BICD1: variants seen among roughly 807,000 people sequenced by gnomAD.
BICD1 encodes BICD cargo adaptor 1, also known as protein bicaudal D homolog 1.
A neutral mutation model predicts 92.5 loss-of-function variants in BICD1; 35 were observed. The ratio of observed to expected loss-of-function variants is 0.38; its 90% confidence interval spans 0.29 to 0.50. The LOEUF is 0.50. Ranked by LOEUF, BICD1 falls within the 20% of genes least tolerant of loss-of-function variation. The probability of loss-of-function intolerance (pLI) is 0.93; values close to 1 mark genes in which losing one functional copy is unlikely to be tolerated. For synonymous variants in BICD1, 429 were observed against 465.1 expected (o/e 0.92, Z 1.00); for missense variants, 950 against 1,189.8 (o/e 0.80, Z 2.97).
At chr12:32,148,992 C>G (rs1240757058) in intron 1 of BICD1, among the ~76,000 whole-genome samples, 2 of 147,890 alleles carry the variant, frequency 1.4e-5, no homozygotes, top group African/African-American at 5.0e-5. Flanking sequence ...TGTACTCCAC[C>G]CTGGGTGACG....
chr12:32,343,776 C>A (rs1221726550), intron 8 of BICD1, among the ~76,000 whole-genome samples: 1 of 152,176 alleles, frequency 6.6e-6, no homozygotes, highest in Non-Finnish European at 1.5e-5. Flanking sequence ...TTTTACTGAT[C>A]TTTAAAGCAA....
At chr12:32,164,003 C>T (rs1943677844) in intron 1 of BICD1, among the ~76,000 whole-genome samples, 1 of 152,170 alleles carries the variant, frequency 6.6e-6, no homozygotes, top group Admixed American at 6.5e-5. Context: ...AAGACAGAGT[C>T]TCACTTTGTC....
chr12:32,187,540 C>T (rs540218516), intron 1 of BICD1, among the ~76,000 whole-genome samples: 59 of 152,170 alleles, frequency 3.9e-4, no homozygotes, highest in African/African-American at 1.3e-3. Context: ...GGCGTGGTGG[C>T]GCGCTCCTAT....
intron 1 of BICD1, among the ~76,000 whole-genome samples, chr12:32,110,601 A>G (rs1283193868): frequency 1.3e-5 from 2 of 152,140 alleles, no homozygotes; most frequent in African/African-American, 4.8e-5. Flanking sequence ...GGCTGATTAT[A>G]TGTTTGGGAT....
At chr12:32,205,403 ACT>A (rs1203293012) in intron 1 of BICD1, among the ~76,000 whole-genome samples, 1 of 151,838 alleles carries the variant, frequency 6.6e-6, no homozygotes, top group African/African-American at 2.4e-5. Context: ...TGCTTGAGAG[ACT>A]CTTGCACATG....
intron 8 of BICD1, 101 bp downstream of exon 8, chr12:32,339,080 C>T (rs1471863163): frequency 2.4e-5 from 34 of 1,392,478 alleles, no homozygotes; most frequent in African/African-American, 3.0e-5. Context: ...CAGAGTATAC[C>T]TTTGATGATG....
chr12:32,109,655 G>A (rs183026124), intron 1 of BICD1: 10 of 151,712 alleles, frequency 6.6e-5, no homozygotes, highest in Admixed American at 3.9e-4. Context: ...AGTGAAATTC[G>A]AGATTCCTAA....
chr12:32,271,875 C>A (rs1181396370), intron 2 of BICD1, among the ~76,000 whole-genome samples: 1 of 152,128 alleles, frequency 6.6e-6, no homozygotes, highest in East Asian at 1.9e-4. Context: ...CTGCCTGAAG[C>A]CAAGAGACAA....
At position 32,314,775 on chromosome 12, in the gene BICD1, A is replaced by T. The variant is rs570217366; in HGVS notation, c.1005+8653A>T. ...TGTACAAAGGAGTTTTTTTTTTTTT[A>T]AAAGAGATGGGTCTCACTATGTTGC... is the stretch of plus-strand genomic sequence containing the variant. On this transcript the variant is annotated intron_variant, in intron 4 of 9. Transcript: ENST00000652176. Among the ~76,000 whole-genome samples the T allele has an allele frequency of 7.3e-4, 106 of 145,040 alleles. 2 individuals are homozygous for T. The highest frequency in any genetic ancestry group is 6.4e-4 in the South Asian group (3 of 4,678).
intron 1 of BICD1, among the ~76,000 whole-genome samples, chr12:32,215,903 G>A (rs1017227520): frequency 8.5e-5 from 11 of 129,550 alleles, no homozygotes; most frequent in African/African-American, 3.1e-4. Flanking sequence ...GCAGTGATCC[G>A]AGATTGCACC....
At chr12:32,200,966 C>G (rs1944890119) in intron 1 of BICD1, among the ~76,000 whole-genome samples, 2 of 152,164 alleles carry the variant, frequency 1.3e-5, no homozygotes, top group South Asian at 4.1e-4. Context: ...GATCTGTTTC[C>G]TATATCCTAG....
intron 8 of BICD1, among the ~76,000 whole-genome samples, chr12:32,361,584 A>G (rs1939329719): frequency 1.3e-5 from 2 of 152,062 alleles, no homozygotes; most frequent in African/African-American, 4.8e-5. Flanking sequence ...AAAGATAAGA[A>G]AAAAAGGAAG....
chr12:32,129,524 CAAAAA>C (rs756293470), intron 1 of BICD1, among the ~76,000 whole-genome samples: 9 of 82,664 alleles, frequency 1.1e-4, no homozygotes, highest in African/African-American at 2.9e-4. Context: ...GATTCCATCT[CAAAAA>C]AAAAAAAAAA....
chr12:32,247,013 T>C (rs74786959), intron 2 of BICD1, among the ~76,000 whole-genome samples: 7,089 of 152,088 alleles, frequency 0.047, 223 homozygotes, highest in Middle Eastern at 0.11. Flanking sequence ...ATCTAGAACT[T>C]TGGGAGACTG....
At position 32,108,594 on chromosome 12, in the gene BICD1, T is replaced by C. The variant is rs1664171151; in HGVS notation, c.213+1050T>C. 4.5e-6 allele frequency: 3 copies of C among 669,934 alleles called. No homozygotes were observed. In the Admixed American group the frequency reaches 6.6e-5, roughly 15 times the overall value. The allele number at this position is 669,934 out of a possible 1,614,324, so 41.5% of individuals were successfully genotyped here. A position where few individuals can be genotyped will look rare whatever the true frequency, so the allele number is the denominator to read the frequency against. ...CATATTGACATTTAAATGTTAATTA[T>C]TGTTTGGCATATAATATCAAAAATC... On this transcript the variant is annotated intron_variant, in intron 1 of 9. Coordinates refer to ENST00000652176, the MANE Select transcript of BICD1 (RefSeq NM_001714.4).
chr12:32,228,414 T>C (rs1169110397), intron 2 of BICD1, among the ~76,000 whole-genome samples: 1 of 152,208 alleles, frequency 6.6e-6, no homozygotes. Flanking sequence ...CAATACACAC[T>C]GTCATGAAGT....
chr12:32,118,145 G>A (rs980095416), intron 1 of BICD1, among the ~76,000 whole-genome samples: 4 of 150,164 alleles, frequency 2.7e-5, no homozygotes, highest in African/African-American at 7.4e-5. Flanking sequence ...GCAGTGGCGC[G>A]AACTCGGCTC....
At chr12:32,320,151 C>T (rs1320237026) in intron 4 of BICD1, among the ~76,000 whole-genome samples, 1 of 152,124 alleles carries the variant, frequency 6.6e-6, no homozygotes, top group African/African-American at 2.4e-5. Context: ...TCCGTTTGTG[C>T]ATATCGATGC....
At chr12:32,125,488 G>A (rs1942296095) in intron 1 of BICD1, among the ~76,000 whole-genome samples, 1 of 152,064 alleles carries the variant, frequency 6.6e-6, no homozygotes, top group East Asian at 1.9e-4. Context: ...GATTTACACT[G>A]TATATCATGA....
Sources: allele counts gnomAD v4.1 joint callset (sites outside exome capture counted in the v4.1 genomes callset), GRCh38; gene constraint gnomAD v4.1.1; transcripts MANE v1.5; gene names NCBI Gene and HGNC (gene_info 2026-07-23, HGNC 2026-07-21).